Variants in ERBB4 observed in about 807,000 individuals in gnomAD.
ERBB4 encodes receptor tyrosine-protein kinase erbB-4.
Under a neutral mutation model 158.0 loss-of-function variants are expected in ERBB4, and 42 were observed. The observed-to-expected ratio is 0.27, with a 90% CI of 0.21 to 0.34. The LOEUF (loss-of-function observed/expected upper bound fraction) is 0.34, where lower values mean the gene tolerates loss of function less well. ERBB4 is among the 10% of genes least tolerant of loss of function. ERBB4 has a pLI of 1.00. For synonymous variants in ERBB4, 583 were observed against 558.7 expected (o/e 1.04, Z -0.61); for missense variants, 1,333 against 1,624.1 (o/e 0.82, Z 3.08).
At chr2:211,467,578 T>C (rs1033393416) in intron 20 of ERBB4, among the ~76,000 whole-genome samples, 1 of 152,162 alleles carries the variant, frequency 6.6e-6, no homozygotes, top group Non-Finnish European at 1.5e-5. Context: ...CTGGAAAGTA[T>C]AAACCAAAAA....
chr2:211,913,006 G>A (rs2079577374), intron 3 of ERBB4, among the ~76,000 whole-genome samples: 1 of 152,068 alleles, frequency 6.6e-6, no homozygotes, highest in Non-Finnish European at 1.5e-5. Context: ...GCCGTGCTCT[G>A]AGCCAACATT....
intron 20 of ERBB4, among the ~76,000 whole-genome samples, chr2:211,461,794 T>C (rs2064538434): frequency 6.6e-6 from 1 of 150,500 alleles, no homozygotes; most frequent in African/African-American, 2.4e-5. Flanking sequence ...AAATGGAGAG[T>C]CTTGAAGATA....
In ERBB4 at chr2:211,517,013, A is replaced by G. The variant is rs143486350; in HGVS notation, c.2487+44890T>C. On this transcript the variant is annotated intron_variant, in intron 20 of 27. Coordinates refer to ENST00000342788, the MANE Select transcript of ERBB4 (RefSeq NM_005235.3). ...TTCTAAAGAAAAACATTTTAGAGTG[A>G]TGCTCCTACAGTGGAAAAAGCTATT... Among the ~76,000 whole-genome samples, 1,313 of 152,306 alleles carry G rather than the reference A, an allele frequency of 8.6e-3. 19 individuals carry two copies. The highest frequency in any genetic ancestry group is 0.029 in the African/African-American group (1,223 of 41,584).
Position 211,659,443 on chromosome 2 carries a change from T to C in ERBB4, c.1872-1615A>G, listed in dbSNP as rs34691845. 7.0e-3 allele frequency among the ~76,000 whole-genome samples: 1,058 copies of C among 152,200 alleles called. 3 individuals are homozygous for C. Among genetic ancestry groups the C allele is most frequent in the Non-Finnish European group, 0.012 (822 of 67,980 alleles). On this transcript the variant is annotated intron_variant, in intron 15 of 27. Transcript: ENST00000342788. ...CTAAAAAAGCTTCCAATTTGTCTTA[T>C]ATAGTTTTCTTTTCATTATATTCCA...
intron 1 of ERBB4, among the ~76,000 whole-genome samples, chr2:212,349,004 G>T (rs929170303): frequency 1.3e-5 from 2 of 152,038 alleles, no homozygotes; most frequent in African/African-American, 4.8e-5. Context: ...CCTATAGGTG[G>T]ACCTCTGCTT....
intron 2 of ERBB4, among the ~76,000 whole-genome samples, chr2:212,115,030 T>G (rs1211201943): frequency 6.6e-6 from 1 of 152,180 alleles, no homozygotes; most frequent in Non-Finnish European, 1.5e-5. Flanking sequence ...AGGATTTACT[T>G]TAACATTCAA....
In ERBB4 at chr2:211,546,066, G is replaced by A. The variant is rs1394953300; in HGVS notation, c.2487+15837C>T. 5.9e-5 allele frequency among the ~76,000 whole-genome samples: 9 copies of A among 151,988 alleles called. No individual in the cohort carries two copies. The East Asian group carries it at 1.7e-3, about 29-fold the overall frequency. ...TTAGCCAAATAAAACATCATGAACC[G>A]TTGCCAAAAAGCTCTTTTTAATCAA... On this transcript the variant is annotated intron_variant, in intron 20 of 27. Coordinates refer to ENST00000342788, the MANE Select transcript of ERBB4 (RefSeq NM_005235.3).
At chr2:211,937,203 T>C (rs1314905198) in intron 3 of ERBB4, among the ~76,000 whole-genome samples, 4 of 151,842 alleles carry the variant, frequency 2.6e-5, no homozygotes, top group African/African-American at 9.7e-5. Flanking sequence ...AAAACAACAG[T>C]TTGTTTCCTA....
At chr2:212,133,384 T>C (rs2080165032) in intron 1 of ERBB4, among the ~76,000 whole-genome samples, 1 of 151,468 alleles carries the variant, frequency 6.6e-6, no homozygotes. Flanking sequence ...TCTGCTTTCT[T>C]TTCATTTTGG....
chr2:212,262,456 T>G (rs1200142049), intron 1 of ERBB4, among the ~76,000 whole-genome samples: 2 of 152,082 alleles, frequency 1.3e-5, no homozygotes, highest in African/African-American at 4.8e-5. Context: ...TGAAGAGAAG[T>G]ACTATGAAAG....
At chr2:212,215,785 T>C (rs13391312) in intron 1 of ERBB4, among the ~76,000 whole-genome samples, 83,961 of 151,010 alleles carry the variant, frequency 0.56, 23,570 homozygotes, top group East Asian at 0.77. Context: ...ACATTTAAAA[T>C]CTCTATACTG....
chr2:212,226,134 G>A (rs1008487708), intron 1 of ERBB4, among the ~76,000 whole-genome samples: 2 of 152,106 alleles, frequency 1.3e-5, no homozygotes, highest in African/African-American at 4.8e-5. Flanking sequence ...AACTGTCTAC[G>A]GAGGAAGCTA....
At chr2:211,766,173 G>T (rs2075546105) in intron 4 of ERBB4, among the ~76,000 whole-genome samples, 1 of 152,086 alleles carries the variant, frequency 6.6e-6, no homozygotes, top group South Asian at 2.1e-4. Flanking sequence ...ATTGGCAAAA[G>T]AATCACCTCT....
chr2:211,435,122 T>C (rs28576623), intron 20 of ERBB4, among the ~76,000 whole-genome samples: 4,308 of 152,268 alleles, frequency 0.028, 104 homozygotes, highest in Middle Eastern at 0.044. Context: ...AGAAAATTAT[T>C]AGAAATAACA....
intron 2 of ERBB4, among the ~76,000 whole-genome samples, chr2:211,998,897 T>C (rs1043181950): frequency 5.9e-5 from 9 of 151,904 alleles, no homozygotes; most frequent in Admixed American, 5.2e-4. Context: ...TATGATTACC[T>C]TTATGTCAAT....
chr2:212,113,938 A>AT (rs574253641), intron 2 of ERBB4, among the ~76,000 whole-genome samples: 1 of 152,082 alleles, frequency 6.6e-6, no homozygotes, highest in Non-Finnish European at 1.5e-5. Flanking sequence ...ATTCCTGTGC[A>AT]TTTTTTTCCT....
chr2:211,670,560 G>A (rs940935337), intron 14 of ERBB4, among the ~76,000 whole-genome samples: 9 of 152,128 alleles, frequency 5.9e-5, no homozygotes, highest in African/African-American at 2.2e-4. Flanking sequence ...GAGGCATCAT[G>A]AAGAAGAGAA....
chr2:211,697,736 A>C (rs1355223653), intron 12 of ERBB4, among the ~76,000 whole-genome samples: 1 of 152,208 alleles, frequency 6.6e-6, no homozygotes, highest in Non-Finnish European at 1.5e-5. Context: ...CCAGTGATTT[A>C]AAACAGTGGT....
chr2:211,561,232 T>C (rs2067383378), intron 20 of ERBB4, among the ~76,000 whole-genome samples: 1 of 152,074 alleles, frequency 6.6e-6, no homozygotes, highest in Admixed American at 6.6e-5. Context: ...ATTTGGGAAA[T>C]CACAAAAAAT....
Sources: gnomAD v4.1 joint callset for allele counts (sites outside exome capture counted in the v4.1 genomes callset) on GRCh38, gnomAD v4.1.1 for gene constraint, MANE v1.5 for transcripts, NCBI Gene and HGNC (gene_info 2026-07-23, HGNC 2026-07-21) for gene names.